The following SLC25A42 variants were observed in gnomAD, a reference collection of about 807,000 sequenced individuals.
SLC25A42 encodes mitochondrial coenzyme A transporter SLC25A42.
A neutral mutation model predicts 34.7 loss-of-function variants in SLC25A42; 19 were observed. That is an observed-to-expected ratio of 0.55 (90% CI 0.38 to 0.80). SLC25A42 has a LOEUF of 0.80. Among genes scored for constraint, SLC25A42 ranks in the 30% least tolerant of loss-of-function variants. The pLI, the probability that SLC25A42 is intolerant of heterozygous loss-of-function variation, is 0.00. For synonymous variants in SLC25A42, 205 were observed against 191.2 expected (o/e 1.07, Z -0.59); for missense variants, 364 against 441.3 (o/e 0.82, Z 1.57).
At chr19:19,103,060 G>A (rs1041180797) in intron 3 of SLC25A42, among the ~76,000 whole-genome samples, 3 of 151,972 alleles carry the variant, frequency 2.0e-5, no homozygotes, top group Admixed American at 6.6e-5. Flanking sequence ...CTGTGTGTCT[G>A]TTTTCTCTCT....
intron 7 of SLC25A42, 79 bp from the exon 8 acceptor site, chr19:19,110,490 G>A (rs941730613): frequency 7.9e-7 from 1 of 1,265,658 alleles, no homozygotes; most frequent in Non-Finnish European, 1.0e-6. Context: ...GCTCCTAGGG[G>A]TGCAAAGGCG....
rs2059673185 is a variant in SLC25A42, at chr19:19,080,026, G to A, written c.-35+15911G>A. Among the ~76,000 whole-genome samples, 4 of 152,330 alleles carry A rather than the reference G, an allele frequency of 2.6e-5. No individual in the cohort carries two copies. In the South Asian group the frequency reaches 8.3e-4, roughly 32 times the overall value. ...ACATTCCCAGCATACAAGGACACCAGTTTCTCCACTTGCTCGCCTGGCAGG... is the reference window on the plus strand; with the variant it reads ...ACATTCCCAGCATACAAGGACACCAATTTCTCCACTTGCTCGCCTGGCAGG... On this transcript the variant is annotated intron_variant, in intron 1 of 7. Transcript: ENST00000318596.
Position 19,064,062 on chromosome 19 carries a change from G to T in SLC25A42, c.-88G>T. The T allele has an allele frequency of 6.5e-6, 1 of 152,850 alleles. No homozygotes were observed. The highest frequency in any genetic ancestry group is 1.9e-4 in the South Asian group (1 of 5,202). 9.5% of individuals were successfully genotyped at this position (152,850 alleles called of 1,614,324 possible). On this transcript the variant is annotated 5_prime_UTR_variant, in exon 1 of 8. Transcript: ENST00000318596. Reference sequence around the variant, plus strand: ...GTCCGGGCCGGTGAGGGGGCGCGGGGGGCGCCGGGGGGGCCCAAGCGTCAG... The same window carrying T: ...GTCCGGGCCGGTGAGGGGGCGCGGGTGGCGCCGGGGGGGCCCAAGCGTCAG...
chr19:19,071,253 C>T (rs931141540), intron 1 of SLC25A42, among the ~76,000 whole-genome samples: 8 of 152,044 alleles, frequency 5.3e-5, no homozygotes, highest in East Asian at 1.9e-4. Flanking sequence ...GCCATCCTCC[C>T]GCCTCATCCT....
intron 2 of SLC25A42, among the ~76,000 whole-genome samples, chr19:19,100,602 C>G (rs1477969997): frequency 6.6e-6 from 1 of 152,200 alleles, no homozygotes; most frequent in Non-Finnish European, 1.5e-5. Context: ...ATCCTTCAAG[C>G]TCAGCCTCTC....
At chr19:19,085,505 C>G (rs1478536338) in intron 1 of SLC25A42, among the ~76,000 whole-genome samples, 1 of 152,122 alleles carries the variant, frequency 6.6e-6, no homozygotes, top group Non-Finnish European at 1.5e-5. Context: ...CCTCAGCCTC[C>G]CGAGTAGCTG....
intron 1 of SLC25A42, among the ~76,000 whole-genome samples, chr19:19,077,968 G>A (rs1255063268): frequency 6.6e-6 from 1 of 152,222 alleles, no homozygotes; most frequent in Non-Finnish European, 1.5e-5. Context: ...ATCCATCCGT[G>A]TTGTTGTCGC....
chr19:19,111,170 G>C lies in SLC25A42; in HGVS notation c.*294G>C, dbSNP rs574084377. 2.1e-6 allele frequency: 1 copy of C among 475,470 alleles called. No homozygotes were observed. Among genetic ancestry groups the C allele is most frequent in the African/African-American group, 2.0e-5 (1 of 49,688 alleles). The allele number at this position is 475,470 out of a possible 1,614,324, so 29.5% of individuals were successfully genotyped here. On this transcript the variant is annotated 3_prime_UTR_variant, in exon 8 of 8. Coordinates refer to ENST00000318596, the MANE Select transcript of SLC25A42 (RefSeq NM_178526.5). ...GGTGTTGCCCAAAAGGCCCTAGTGG[G>C]GCGTGGTCAGCTCCACCTCCTGATC...
chr19:19,091,710 C>A (rs951926936), intron 1 of SLC25A42, among the ~76,000 whole-genome samples: 1 of 152,032 alleles, frequency 6.6e-6, no homozygotes, highest in African/African-American at 2.4e-5. Context: ...GACCCTGTCT[C>A]TACAGAAAAT....
In SLC25A42 at chr19:19,111,114, T is replaced by G. The variant is rs193045212; in HGVS notation, c.*238T>G. On this transcript the variant is annotated 3_prime_UTR_variant, in exon 8 of 8. Coordinates refer to ENST00000318596, the MANE Select transcript of SLC25A42 (RefSeq NM_178526.5). Reference sequence around the variant, plus strand: ...GGGGTCCCGCAGCTCCCCTCTTCCTTCCTCTGCAGACGCTGGCGCTGTCTG... The same window carrying G: ...GGGGTCCCGCAGCTCCCCTCTTCCTGCCTCTGCAGACGCTGGCGCTGTCTG... 6.5e-5 allele frequency: 37 copies of G among 568,108 alleles called. No homozygotes were observed. In the East Asian group the frequency reaches 1.1e-3, roughly 16 times the overall value. 35.2% of individuals were successfully genotyped at this position (568,108 alleles called of 1,614,324 possible). A position where few individuals can be genotyped will look rare whatever the true frequency, so the allele number is the denominator to read the frequency against.
At chr19:19,064,533 ACTC>A (rs1377650379) in intron 1 of SLC25A42, among the ~76,000 whole-genome samples, 1 of 137,338 alleles carries the variant, frequency 7.3e-6, no homozygotes, top group Non-Finnish European at 1.5e-5. Context: ...TGAGCCTGTG[ACTC>A]CTAACTCATG....
chr19:19,106,395 T>G lies in SLC25A42; in HGVS notation c.497+10T>G. On this transcript the variant is annotated intron_variant, in intron 6 of 7. Coordinates refer to ENST00000318596, the MANE Select transcript of SLC25A42 (RefSeq NM_178526.5). ...TAACCCCGAAGGAAATGTGAGTCCTTACATCGGTGATGCGCATCAGCCCCG... is the reference window on the plus strand; with the variant it reads ...TAACCCCGAAGGAAATGTGAGTCCTGACATCGGTGATGCGCATCAGCCCCG... 6.2e-7 allele frequency: 1 copy of G among 1,604,084 alleles called. No homozygotes were observed. The highest frequency in any genetic ancestry group is 8.5e-7 in the Non-Finnish European group (1 of 1,173,068).
Position 19,065,745 on chromosome 19 carries a change from T to C in SLC25A42, c.-35+1630T>C, listed in dbSNP as rs535127076. Among the ~76,000 whole-genome samples, 24 of 152,336 alleles carry C rather than the reference T, an allele frequency of 1.6e-4. No individual in the cohort carries two copies. The South Asian group carries it at 2.1e-3, about 13-fold the overall frequency. ...TATATGTGTGTGTGTTGTACACATA[T>C]GTACATGTACCTATAATATTCATAT... On this transcript the variant is annotated intron_variant, in intron 1 of 7. Coordinates refer to ENST00000318596, the MANE Select transcript of SLC25A42 (RefSeq NM_178526.5).
At chr19:19,064,291 A>G (rs575097838) in intron 1 of SLC25A42, among the ~76,000 whole-genome samples, 176 bp downstream of exon 1, 1 of 146,718 alleles carries the variant, frequency 6.8e-6, no homozygotes, top group Admixed American at 7.0e-5. Flanking sequence ...CAGTCCACGC[A>G]CGCCTGACAC....
intron 1 of SLC25A42, among the ~76,000 whole-genome samples, chr19:19,091,337 A>G (rs1033258888): frequency 6.6e-6 from 1 of 152,120 alleles, no homozygotes; most frequent in African/African-American, 2.4e-5. Context: ...GCGCGCCTAT[A>G]ATCCCAGCTA....
In SLC25A42 at chr19:19,110,722, C is replaced by T. The variant is rs2059859148; in HGVS notation, c.803C>T (p.Ala268Val). Residue 268 changes from alanine (A) to valine (V), a missense_variant, in exon 8 of 8, where the codon GCC becomes GTC. Transcript: ENST00000318596. ...ACGGGCTACCCGCGCGCCTCCATCGCCCGCACGCTGCGCACCATCGTGCGG... is the reference window on the plus strand; with the variant it reads ...ACGGGCTACCCGCGCGCCTCCATCGTCCGCACGCTGCGCACCATCGTGCGG... ...GVTGYPRASI[A>V]RTLRTIVREE... 7 of 1,606,966 alleles carry T rather than the reference C, an allele frequency of 4.4e-6. No individual in the cohort carries two copies. The highest frequency in any genetic ancestry group is 5.9e-6 in the Non-Finnish European group (7 of 1,177,006).
chr19:19,065,648 C>A (rs2059598082), intron 1 of SLC25A42, among the ~76,000 whole-genome samples: 2 of 152,106 alleles, frequency 1.3e-5, no homozygotes, highest in Non-Finnish European at 2.9e-5. Context: ...AAACTGAAGC[C>A]ATTTGGGTTT....
At chr19:19,091,236 C>A (rs1000290224) in intron 1 of SLC25A42, among the ~76,000 whole-genome samples, 1 of 152,180 alleles carries the variant, frequency 6.6e-6, no homozygotes, top group Non-Finnish European at 1.5e-5. Flanking sequence ...GAGGGCAGAT[C>A]ACCTGAGGTA....
At chr19:19,065,062 G>C (rs1387570675) in intron 1 of SLC25A42, among the ~76,000 whole-genome samples, 4 of 152,128 alleles carry the variant, frequency 2.6e-5, no homozygotes, top group Non-Finnish European at 4.4e-5. Flanking sequence ...GACCCACCGC[G>C]TTTGGGCCCA....
Sources: gnomAD v4.1 joint callset for allele counts (sites outside exome capture counted in the v4.1 genomes callset) on GRCh38, gnomAD v4.1.1 for gene constraint, MANE v1.5 for transcripts, NCBI Gene and HGNC (gene_info 2026-07-23, HGNC 2026-07-21) for gene names.